Variants in LRRIQ3 observed in about 807,000 individuals in gnomAD.
LRRIQ3 encodes the protein leucine rich repeats and IQ motif containing 3, also known as leucine-rich repeat and IQ domain-containing protein 3.
A neutral mutation model predicts 59.3 loss-of-function variants in LRRIQ3; 75 were observed. The observed-to-expected ratio is 1.26, with a 90% CI of 1.05 to 1.53. The LOEUF is 1.53. Ranked by LOEUF, LRRIQ3 falls within the 40% of genes most tolerant of loss-of-function variation. The probability of loss-of-function intolerance (pLI) is 0.00; values close to 1 mark genes in which losing one functional copy is unlikely to be tolerated. For synonymous variants in LRRIQ3, 250 were observed against 231.3 expected (o/e 1.08, Z -0.73); for missense variants, 831 against 710.0 (o/e 1.17, Z -1.94).
intron 6 of LRRIQ3, among the ~76,000 whole-genome samples, chr1:74,067,034 G>A (rs949898450): frequency 1.1e-4 from 17 of 152,214 alleles, no homozygotes; most frequent in African/African-American, 4.1e-4. Flanking sequence ...GAAACAAGTA[G>A]AATACTTTGT....
At chr1:74,060,221 G>GTTCTTCTTCTTC (rs773201991) in intron 6 of LRRIQ3, among the ~76,000 whole-genome samples, 18 of 53,564 alleles carry the variant, frequency 3.4e-4, no homozygotes, top group Non-Finnish European at 2.5e-4. Flanking sequence ...TCTTCTTCTT[G>GTTCTTCTTCTTC]TTCTTCTTCT....
chr1:74,110,296 T>C (rs147183347), intron 4 of LRRIQ3, among the ~76,000 whole-genome samples: 2 of 152,006 alleles, frequency 1.3e-5, no homozygotes, highest in Non-Finnish European at 2.9e-5. Context: ...AAGAAAACCA[T>C]AGACCAATCT....
At chr1:74,078,128 G>T (rs186072368) in intron 5 of LRRIQ3, among the ~76,000 whole-genome samples, 1 of 151,692 alleles carries the variant, frequency 6.6e-6, no homozygotes. Context: ...AATATCCTTC[G>T]CATGGTAAAC....
intron 4 of LRRIQ3, among the ~76,000 whole-genome samples, chr1:74,149,419 G>A (rs1647782329): frequency 6.6e-6 from 1 of 152,026 alleles, no homozygotes; most frequent in South Asian, 2.1e-4. Context: ...TTTCTTCACA[G>A]AATTTTTTCA....
intron 7 of LRRIQ3, among the ~76,000 whole-genome samples, chr1:74,031,676 G>A (rs1215686066): frequency 6.6e-6 from 1 of 151,906 alleles, no homozygotes; most frequent in Admixed American, 6.6e-5. Context: ...AGGAGTTACT[G>A]GGTGCAGCAC....
chr1:74,158,423 A>G (rs754776751), intron 3 of LRRIQ3, among the ~76,000 whole-genome samples: 9 of 152,120 alleles, frequency 5.9e-5, no homozygotes, highest in South Asian at 2.1e-4. Flanking sequence ...AATTTATCCT[A>G]CATAGAATTA....
Position 74,112,070 on chromosome 1 carries a change from C to A in LRRIQ3, c.708-2517G>T, listed in dbSNP as rs1458330511. Among the ~76,000 whole-genome samples the A allele has an allele frequency of 2.6e-5, 4 of 152,010 alleles. No homozygotes were observed. In the South Asian group the frequency reaches 8.3e-4, roughly 32 times the overall value. ...TTACTCCAGATCACTTGTAAGATAG[C>A]GATTCTGAGACAGGTGAGGCAAGTT... is the stretch of plus-strand genomic sequence containing the variant. On this transcript the variant is annotated intron_variant, in intron 4 of 7. Coordinates refer to ENST00000354431, the MANE Select transcript of LRRIQ3 (RefSeq NM_001105659.2).
At chr1:74,148,066 T>C (rs181102386) in intron 4 of LRRIQ3, among the ~76,000 whole-genome samples, 385 of 152,366 alleles carry the variant, frequency 2.5e-3, no homozygotes, top group Non-Finnish European at 3.0e-3. Flanking sequence ...CAAATATATT[T>C]TTTCCTTTGG....
intron 2 of LRRIQ3, 189 bp from the exon 3 acceptor site, chr1:74,183,050 G>C (rs1311972806): frequency 5.1e-6 from 2 of 389,260 alleles, no homozygotes; most frequent in Admixed American, 4.4e-5. Context: ...GGGTATCTGA[G>C]ATAATTTATT....
rs571793011 is a variant in LRRIQ3, at chr1:74,097,276, G to A, written c.867+12118C>T. On this transcript the variant is annotated intron_variant, in intron 5 of 7. Transcript: ENST00000354431. ...CTACATGACAAATGCAAAAGCTTCA[G>A]TAGCCGATTCAATCAACTGGAAGAA... Among the ~76,000 whole-genome samples the A allele has an allele frequency of 5.9e-5, 9 of 152,262 alleles. No individual in the cohort carries two copies. In the South Asian group the frequency reaches 1.9e-3, roughly 32 times the overall value.
chr1:74,180,373 A>AC (rs1454852875), intron 3 of LRRIQ3: 1 of 198,418 alleles, frequency 5.0e-6, no homozygotes, highest in Admixed American at 5.5e-5. Context: ...TTTAACTATG[A>AC]CCCCAAGCAA....
intron 4 of LRRIQ3, among the ~76,000 whole-genome samples, chr1:74,127,183 T>C (rs1646948078): frequency 6.6e-6 from 1 of 151,966 alleles, no homozygotes; most frequent in Non-Finnish European, 1.5e-5. Context: ...CTTTTTAGTT[T>C]GCATTGGCAT....
At chr1:74,095,387 T>C (rs1326143066) in intron 5 of LRRIQ3, among the ~76,000 whole-genome samples, 2 of 152,194 alleles carry the variant, frequency 1.3e-5, no homozygotes, top group African/African-American at 4.8e-5. Context: ...CTTCCTTCTT[T>C]ATTATTTCTC....
intron 6 of LRRIQ3, among the ~76,000 whole-genome samples, chr1:74,052,985 T>C (rs1056993814): frequency 2.6e-5 from 4 of 152,060 alleles, no homozygotes; most frequent in Non-Finnish European, 5.9e-5. Context: ...AAGTGTACAA[T>C]TACAATAATC....
Position 74,106,944 on chromosome 1 carries a change from T to C in LRRIQ3, c.867+2450A>G, listed in dbSNP as rs966723075. ...ATGTCCCTAGTAAGTGTCTAGGAAGTGTTCCACATCCTCCATTTCTTCTAT... is the reference window on the plus strand; with the variant it reads ...ATGTCCCTAGTAAGTGTCTAGGAAGCGTTCCACATCCTCCATTTCTTCTAT... On this transcript the variant is annotated intron_variant, in intron 5 of 7. Transcript: ENST00000354431. Among the ~76,000 whole-genome samples, 14 of 151,972 alleles carry C rather than the reference T, an allele frequency of 9.2e-5. 1 individual carries two copies. Among genetic ancestry groups the C allele is most frequent in the East Asian group, 7.8e-4 (4 of 5,158 alleles).
In LRRIQ3 at chr1:74,127,857, C is replaced by T. The variant is rs149111856; in HGVS notation, c.708-18304G>A. Among the ~76,000 whole-genome samples the T allele has an allele frequency of 2.9e-3, 446 of 152,004 alleles. 1 individual carries two copies. Among genetic ancestry groups the T allele is most frequent in the African/African-American group, 0.01 (421 of 41,504 alleles). ...TGATTTCTTATTGCTCATTAACTTC[C>T]TTTTCTTTCTGGTTGAAGTACTCCT... On this transcript the variant is annotated intron_variant, in intron 4 of 7. Coordinates refer to ENST00000354431, the MANE Select transcript of LRRIQ3 (RefSeq NM_001105659.2).
rs1557595057 is a variant in LRRIQ3, at chr1:74,054,758, C to CA, written c.998-12826_998-12825insT. Reference sequence around the variant, plus strand: ...AACACAAATATATATATATATATATCTATATATCTACATACACATACATAT... The same window carrying CA: ...AACACAAATATATATATATATATATCATATATATCTACATACACATACATAT... On this transcript the variant is annotated intron_variant, in intron 6 of 7. Transcript: ENST00000354431. 3.3e-3 allele frequency among the ~76,000 whole-genome samples: 434 copies of CA among 131,466 alleles called. 1 individual carries two copies. The highest frequency in any genetic ancestry group is 0.012 in the African/African-American group (415 of 35,182). The allele number at this position is 131,466 out of a possible 152,430, so 86.2% of individuals were successfully genotyped here.
intron 6 of LRRIQ3, among the ~76,000 whole-genome samples, chr1:74,048,895 T>C (rs1193164244): frequency 1.3e-5 from 2 of 152,154 alleles, no homozygotes; most frequent in Non-Finnish European, 2.9e-5. Context: ...CCAGGGCTCA[T>C]GAAACTTCTA....
chr1:74,162,165 T>C (rs1250343330), intron 3 of LRRIQ3, among the ~76,000 whole-genome samples: 1 of 151,876 alleles, frequency 6.6e-6, no homozygotes, highest in Non-Finnish European at 1.5e-5. Flanking sequence ...TTTATAGCAA[T>C]ACTTAAAATG....
Sources: allele counts gnomAD v4.1 joint callset (sites outside exome capture counted in the v4.1 genomes callset), GRCh38; gene constraint gnomAD v4.1.1; transcripts MANE v1.5; gene names NCBI Gene and HGNC (gene_info 2026-07-23, HGNC 2026-07-21).